The following CFAP46 variants were observed in gnomAD, a reference collection of about 807,000 sequenced individuals.
The protein encoded by CFAP46 is cilia- and flagella-associated protein 46.
Under a neutral mutation model 325.7 loss-of-function variants are expected in CFAP46, and 245 were observed. The ratio of observed to expected loss-of-function variants is 0.75; its 90% CI spans 0.68 to 0.84. CFAP46 has a LOEUF of 0.84. Among genes scored for constraint, CFAP46 ranks in the 40% least tolerant of loss-of-function variants. The probability of loss-of-function intolerance (pLI) is 0.00; values close to 1 mark genes in which losing one functional copy is unlikely to be tolerated. For missense variants in CFAP46, 3,346 were observed against 3,543.0 expected, an observed-to-expected ratio of 0.94 and a Z score of 1.41; for synonymous variants, 1,523 against 1,495.9, an observed-to-expected ratio of 1.02 and a Z score of -0.42.
chr10:132,834,776 C>T lies in CFAP46; in HGVS notation c.6745-1G>A, dbSNP rs1265207886. 1 of 1,609,190 alleles carries T rather than the reference C, an allele frequency of 6.2e-7. No individual in the cohort carries two copies. The highest frequency in any genetic ancestry group is 2.2e-5 in the East Asian group (1 of 44,734). ...CTTCCACCTGCAGGCCTTCTGGTTC[C>T]TACCGCAATCCAAAAAAGAGGCCCC... On this transcript the variant is annotated splice_acceptor_variant, in intron 47 of 57. Coordinates refer to ENST00000368586, the MANE Select transcript of CFAP46 (RefSeq NM_001200049.3). LOFTEE classifies it high-confidence loss of function.
chr10:132,909,274 G>A (rs750424869), intron 20 of CFAP46, 30 bp from the exon 21 acceptor site: 1 of 1,474,170 alleles, frequency 6.8e-7, no homozygotes. Flanking sequence ...GAGTGTATCA[G>A]CCCAAGCGTG....
In CFAP46 at chr10:132,909,971, G is replaced by T; in HGVS notation, c.2597C>A (p.Ala866Asp). ...AATCTGCTGCTGCAGCAGCTGCTTG[G>T]CCTTGACCCAGGTGGCGATAAGCTG... ...RQQLIATWVK[A>D]KQLLQQQIGP... Residue 866 changes from alanine to aspartate, a missense_variant, in exon 20 of 58, where the codon GCC becomes GAC. Physicochemically the swap from Ala to Asp is moderately radical, Grantham distance 126 (BLOSUM62 -2). Coordinates refer to ENST00000368586, the MANE Select transcript of CFAP46 (RefSeq NM_001200049.3). 3 of 1,540,856 alleles carry T rather than the reference G, an allele frequency of 1.9e-6. No homozygotes were observed. The highest frequency in any genetic ancestry group is 2.6e-6 in the Non-Finnish European group (3 of 1,143,740).
intron 39 of CFAP46, among the ~76,000 whole-genome samples, chr10:132,851,709 G>C (rs1009789652): frequency 2.6e-5 from 4 of 152,244 alleles, no homozygotes; most frequent in African/African-American, 9.6e-5. Flanking sequence ...TCTCACAGCC[G>C]GCGTCGGTGC....
chr10:132,835,521 T>C (rs977911811), intron 46 of CFAP46, 87 bp from the exon 47 acceptor site: 1 of 1,529,082 alleles, frequency 6.5e-7, no homozygotes, highest in African/African-American at 1.4e-5. Context: ...GGAAAAGGGC[T>C]GCTGTCCCAC....
intron 34 of CFAP46, among the ~76,000 whole-genome samples, chr10:132,866,996 A>G (rs948541939): frequency 6.6e-6 from 1 of 152,162 alleles, no homozygotes; most frequent in African/African-American, 2.4e-5. Flanking sequence ...GGCCTGTTCC[A>G]GGGAGGCCCG....
chr10:132,814,350 G>A (rs1847645182), intron 53 of CFAP46, 96 bp from the exon 54 acceptor site: 1 of 1,129,746 alleles, frequency 8.9e-7, no homozygotes. Context: ...GCGAATGCAG[G>A]CGCATATATC....
chr10:132,918,304 G>A (rs868014869), intron 16 of CFAP46, 89 bp downstream of exon 16: 5 of 638,638 alleles, frequency 7.8e-6, no homozygotes, highest in Non-Finnish European at 9.6e-6. Flanking sequence ...ACCGATGAAC[G>A]CCCCTCTCCA....
At chr10:132,826,373 C>G (rs1297359290) in intron 50 of CFAP46, among the ~76,000 whole-genome samples, 13 of 138,678 alleles carry the variant, frequency 9.4e-5, no homozygotes, top group Non-Finnish European at 1.1e-4. Flanking sequence ...CGGAGCCAGG[C>G]AGGAGCCAGA....
At chr10:132,821,108 GCTGATGTGTGCTGTGTGTGT>G (rs1847803869) in intron 50 of CFAP46, among the ~76,000 whole-genome samples, 1 of 78,260 alleles carries the variant, frequency 1.3e-5, no homozygotes, top group Non-Finnish European at 3.1e-5. Context: ...CTTTGTGTGT[GCTGATGTGTGCTGTGTGTGT>G]GCTGATGTGT....
At chr10:132,820,410 C>T (rs1037335079) in intron 50 of CFAP46, among the ~76,000 whole-genome samples, 2 of 152,210 alleles carry the variant, frequency 1.3e-5, no homozygotes, top group Non-Finnish European at 2.9e-5. Context: ...GAGGAAGCTC[C>T]GCTGACCCGC....
At chr10:132,836,278 C>A in intron 45 of CFAP46, 60 bp from the exon 46 acceptor site, 1 of 1,532,156 alleles carries the variant, frequency 6.5e-7, no homozygotes. Flanking sequence ...CACCTCACAG[C>A]CCAGCTCCAG....
chr10:132,892,127 G>A (rs1321013626), intron 25 of CFAP46, among the ~76,000 whole-genome samples: 1 of 152,168 alleles, frequency 6.6e-6, no homozygotes, highest in Admixed American at 6.5e-5. Context: ...TTCATTGCAC[G>A]TTGAAAGGGA....
intron 55 of CFAP46, 105 bp from the exon 56 acceptor site, chr10:132,811,136 G>A (rs1174208913): frequency 4.2e-6 from 4 of 961,850 alleles, no homozygotes; most frequent in Non-Finnish European, 6.3e-6. Flanking sequence ...GCAGGGCATG[G>A]CACGCTGGCC....
chr10:132,810,299 C>T (rs189722854), intron 57 of CFAP46, 110 bp downstream of exon 57: 6 of 898,646 alleles, frequency 6.7e-6, no homozygotes, highest in Middle Eastern at 2.3e-4. Flanking sequence ...AGGTCCCCCA[C>T]GGAGAAGCGG....
intron 22 of CFAP46, among the ~76,000 whole-genome samples, chr10:132,899,891 T>C (rs1205839884): frequency 6.6e-6 from 1 of 152,208 alleles, no homozygotes; most frequent in Non-Finnish European, 1.5e-5. Context: ...CCTGGTCTTC[T>C]GAGGCCTGGA....
chr10:132,857,557 C>A (rs762608476), intron 39 of CFAP46, 33 bp downstream of exon 39: 13 of 1,597,822 alleles, frequency 8.1e-6, no homozygotes, highest in East Asian at 2.2e-5. Context: ...TGGGAGTGAC[C>A]CAGTGTGCAC....
At chr10:132,923,252 C>T (rs1849755993) in intron 11 of CFAP46, among the ~76,000 whole-genome samples, 1 of 147,132 alleles carries the variant, frequency 6.8e-6, no homozygotes, top group Non-Finnish European at 1.5e-5. Flanking sequence ...GTGGGGGTGC[C>T]CTGGAACCCC....
At chr10:132,936,779 G>C (rs1300761324) in intron 7 of CFAP46, among the ~76,000 whole-genome samples, 182 bp downstream of exon 7, 1 of 152,142 alleles carries the variant, frequency 6.6e-6, no homozygotes, top group Admixed American at 6.5e-5. Context: ...CCAGGAATTG[G>C]GGTGGCCTTC....
chr10:132,883,746 C>T (rs528119932), intron 27 of CFAP46, among the ~76,000 whole-genome samples: 13 of 152,354 alleles, frequency 8.5e-5, no homozygotes, highest in African/African-American at 2.6e-4. Context: ...AGACACATAA[C>T]GGAATACGAC....
Sources: allele counts gnomAD v4.1 joint callset (sites outside exome capture counted in the v4.1 genomes callset), GRCh38; gene constraint gnomAD v4.1.1; transcripts MANE v1.5; gene names NCBI Gene and HGNC (gene_info 2026-07-23, HGNC 2026-07-21).